GULP1: variants seen among roughly 807,000 people sequenced by gnomAD.
GULP1 encodes the protein PTB domain-containing engulfment adapter protein 1.
Under a neutral mutation model 40.9 loss-of-function variants are expected in GULP1, and 19 were observed. The observed-to-expected ratio is 0.46, with a 90% CI of 0.32 to 0.68. The LOEUF (loss-of-function observed/expected upper bound fraction) is 0.68. GULP1 is among the 30% of genes least tolerant of loss of function. GULP1 has a pLI of 0.03. For missense variants in GULP1, 312 were observed against 362.2 expected (o/e 0.86, Z 1.12); for synonymous variants, 119 against 117.6 (o/e 1.01, Z -0.08).
At chr2:188,564,839 T>C (rs11683468) in intron 7 of GULP1, among the ~76,000 whole-genome samples, 2 of 151,966 alleles carry the variant, frequency 1.3e-5, no homozygotes, top group South Asian at 4.1e-4. Context: ...CAAGTCAGGG[T>C]GATATTAATG....
chr2:188,586,873 A>C (rs1469515373), intron 10 of GULP1, among the ~76,000 whole-genome samples: 1 of 151,570 alleles, frequency 6.6e-6, no homozygotes, highest in African/African-American at 2.4e-5. Context: ...TTTCTTTTTT[A>C]ATTTTTTAAT....
intron 4 of GULP1, among the ~76,000 whole-genome samples, chr2:188,499,840 G>A (rs1291900878): frequency 6.6e-6 from 1 of 150,800 alleles, no homozygotes; most frequent in Non-Finnish European, 1.5e-5. Flanking sequence ...CTCTTTTTTT[G>A]GATTTTACAT....
chr2:188,376,323 A>G (rs1437751190), intron 1 of GULP1, among the ~76,000 whole-genome samples: 4 of 152,348 alleles, frequency 2.6e-5, no homozygotes, highest in African/African-American at 9.6e-5. Context: ...ATGCCTTTGT[A>G]TCAATTCATA....
At chr2:188,558,295 G>A (rs1305105655) in intron 7 of GULP1, among the ~76,000 whole-genome samples, 1 of 152,154 alleles carries the variant, frequency 6.6e-6, no homozygotes, top group African/African-American at 2.4e-5. Context: ...CTATTCTCAT[G>A]GTAGTGAATA....
intron 4 of GULP1, among the ~76,000 whole-genome samples, chr2:188,517,261 A>G (rs1350700615): frequency 3.3e-5 from 5 of 152,288 alleles, no homozygotes; most frequent in African/African-American, 1.2e-4. Flanking sequence ...ATACAACCTG[A>G]AAAATTGTAA....
At chr2:188,474,940 T>C (rs1053066275) in intron 2 of GULP1, among the ~76,000 whole-genome samples, 10 of 152,180 alleles carry the variant, frequency 6.6e-5, no homozygotes, top group African/African-American at 2.4e-4. Flanking sequence ...ATAAAGTCAA[T>C]TTACATAGAA....
chr2:188,412,506 G>A (rs932744137), intron 2 of GULP1, among the ~76,000 whole-genome samples: 2 of 152,010 alleles, frequency 1.3e-5, no homozygotes, highest in African/African-American at 2.4e-5. Context: ...TCATTGTTGT[G>A]TCCTCTGGAA....
chr2:188,320,494 T>C (rs1314910068), intron 1 of GULP1, among the ~76,000 whole-genome samples: 3 of 152,176 alleles, frequency 2.0e-5, no homozygotes, highest in African/African-American at 7.2e-5. Context: ...AGTAACCTGG[T>C]ATAAGACCTT....
At chr2:188,483,543 C>G (rs757513262) in intron 4 of GULP1, 51 bp downstream of exon 4, 10 of 714,976 alleles carry the variant, frequency 1.4e-5, no homozygotes, top group Admixed American at 1.2e-4. Context: ...AGTATCATTA[C>G]TAATTCATGG....
At chr2:188,294,276 G>A (rs7575702) in intron 1 of GULP1, 114,390 of 152,108 alleles carry the variant, frequency 0.75, 43,450 homozygotes, top group East Asian at 0.95. Flanking sequence ...CGTATTCTCA[G>A]CTAGCATGGA....
intron 1 of GULP1, among the ~76,000 whole-genome samples, chr2:188,365,942 T>C (rs914773164): frequency 3.3e-5 from 5 of 152,048 alleles, no homozygotes; most frequent in Non-Finnish European, 4.4e-5. Context: ...GGCCAGAACA[T>C]TAGTAGGTTA....
At chr2:188,483,349 C>G in intron 3 of GULP1, 82 bp from the exon 4 acceptor site, 1 of 624,368 alleles carries the variant, frequency 1.6e-6, no homozygotes, top group Non-Finnish European at 2.9e-6. Flanking sequence ...TACTCTGTGT[C>G]CTAAATTACC....
intron 4 of GULP1, among the ~76,000 whole-genome samples, chr2:188,488,567 A>G (rs1477504874): frequency 6.6e-6 from 1 of 152,028 alleles, no homozygotes; most frequent in Non-Finnish European, 1.5e-5. Flanking sequence ...GCATTGAAAA[A>G]CAGAGAATGA....
At chr2:188,371,453 A>G (rs1008903000) in intron 1 of GULP1, among the ~76,000 whole-genome samples, 4 of 152,260 alleles carry the variant, frequency 2.6e-5, no homozygotes, top group South Asian at 2.1e-4. Flanking sequence ...TAAGAAGGAA[A>G]TAAGAGAGTC....
intron 1 of GULP1, among the ~76,000 whole-genome samples, chr2:188,352,591 C>T (rs1269289069): frequency 7.0e-6 from 1 of 142,202 alleles, no homozygotes; most frequent in Admixed American, 7.6e-5. Context: ...TTCACTTGTT[C>T]TTGCTCTCTT....
intron 1 of GULP1, among the ~76,000 whole-genome samples, chr2:188,359,760 G>A (rs1383063531): frequency 6.6e-6 from 1 of 152,106 alleles, no homozygotes; most frequent in Non-Finnish European, 1.5e-5. Context: ...TTTTTCCTTA[G>A]CATGGTTTTG....
At position 188,334,397 on chromosome 2, in the gene GULP1, C is replaced by T. The variant is rs1447958751; in HGVS notation, c.-172+42231C>T. ...GTCTGACAACTTAGGACAAGTGGTT[C>T]TCAACTCTGGCTACACATTGAAACC... On this transcript the variant is annotated intron_variant, in intron 1 of 11. Coordinates refer to ENST00000409830, the MANE Select transcript of GULP1 (RefSeq NM_016315.4). Among the ~76,000 whole-genome samples, 3 of 152,160 alleles carry T rather than the reference C, an allele frequency of 2.0e-5. No individual in the cohort carries two copies. In the South Asian group the frequency reaches 6.2e-4, roughly 32 times the overall value.
At chr2:188,453,384 C>T (rs1397084813) in intron 2 of GULP1, among the ~76,000 whole-genome samples, 1 of 151,972 alleles carries the variant, frequency 6.6e-6, no homozygotes, top group Non-Finnish European at 1.5e-5. Context: ...AGATCTTTTG[C>T]CCCCTTTAGG....
At chr2:188,572,765 C>T (rs929588386) in intron 9 of GULP1, among the ~76,000 whole-genome samples, 3 of 152,100 alleles carry the variant, frequency 2.0e-5, no homozygotes, top group Non-Finnish European at 2.9e-5. Context: ...CACAGAAAGA[C>T]AAATATCACG....
Sources: gnomAD v4.1 joint callset for allele counts (sites outside exome capture counted in the v4.1 genomes callset) on GRCh38, gnomAD v4.1.1 for gene constraint, MANE v1.5 for transcripts, NCBI Gene and HGNC (gene_info 2026-07-23, HGNC 2026-07-21) for gene names.